The following HMCN1 variants were observed in gnomAD, a reference collection of about 807,000 sequenced individuals.
HMCN1 encodes hemicentin-1.
In HMCN1, 321 loss-of-function variants were observed where a neutral mutation model predicts 625.9. The observed-to-expected ratio is 0.51, with a 90% CI of 0.47 to 0.56. The LOEUF is 0.56. HMCN1 is among the 20% of genes least tolerant of loss of function. The pLI, the probability that HMCN1 is intolerant of heterozygous loss-of-function variation, is 0.00. For missense variants in HMCN1, 6,588 were observed against 6,887.3 expected (o/e 0.96, Z 1.54); for synonymous variants, 2,425 against 2,417.6 (o/e 1.00, Z -0.09).
In HMCN1 at chr1:185,923,649, C is replaced by G. The variant is rs1667110965; in HGVS notation, c.1281C>G (p.Val427=). ...RVSSVSFSSI[V]PDAPKVTMPE... ...CAAGTGTTTCCTTTTCTAGTATTGT[C>G]CCAGGTGAGACATCATTTTATTCAA... Residue 427 remains valine (V), a synonymous_variant, in exon 8 of 107, where the codon GTC becomes GTG. Coordinates refer to ENST00000271588, the MANE Select transcript of HMCN1 (RefSeq NM_031935.3). 5 of 1,599,434 alleles carry G rather than the reference C, an allele frequency of 3.1e-6. No individual in the cohort carries two copies. The East Asian group carries it at 1.1e-4, about 36-fold the overall frequency.
intron 69 of HMCN1, among the ~76,000 whole-genome samples, chr1:186,105,758 T>C (rs1660579802): frequency 6.6e-6 from 1 of 152,172 alleles, no homozygotes; most frequent in African/African-American, 2.4e-5. Flanking sequence ...TCAGGAAATA[T>C]TTTGTGGAAA....
chr1:186,183,289 C>A (rs983749352), intron 105 of HMCN1, among the ~76,000 whole-genome samples: 1 of 152,096 alleles, frequency 6.6e-6, no homozygotes, highest in African/African-American at 2.4e-5. Context: ...GAAAATGGGT[C>A]CCAGGAGGCA....
intron 1 of HMCN1, among the ~76,000 whole-genome samples, chr1:185,838,326 T>C (rs1661291466): frequency 6.6e-6 from 1 of 152,190 alleles, no homozygotes; most frequent in African/African-American, 2.4e-5. Context: ...TGCAAGTGCA[T>C]GTAAAGCTTG....
At chr1:186,119,115 C>A in intron 77 of HMCN1, 76 bp from the exon 78 acceptor site, 1 of 1,085,626 alleles carries the variant, frequency 9.2e-7, no homozygotes, top group Non-Finnish European at 1.4e-6. Flanking sequence ...AGAAAACACA[C>A]AAAAGAGAGT....
intron 4 of HMCN1, among the ~76,000 whole-genome samples, chr1:185,895,320 A>G (rs1320247167): frequency 6.6e-6 from 1 of 152,162 alleles, no homozygotes; most frequent in Non-Finnish European, 1.5e-5. Context: ...GGTTTTGAGT[A>G]TTAGATAATT....
intron 8 of HMCN1, among the ~76,000 whole-genome samples, 180 bp from the exon 9 acceptor site, chr1:185,924,867 C>A (rs112682599): frequency 0.029 from 4,339 of 151,848 alleles, 198 homozygotes; most frequent in African/African-American, 0.097. Flanking sequence ...AGAAATCAAC[C>A]AATTTTGAAC....
intron 1 of HMCN1, among the ~76,000 whole-genome samples, chr1:185,748,190 C>T (rs904480254): frequency 1.3e-5 from 2 of 151,902 alleles, no homozygotes; most frequent in African/African-American, 4.8e-5. Context: ...TTTTGTTTAG[C>T]TCCTTAGTTT....
rs569432948 is a variant in HMCN1 at position 185,988,047 on chromosome 1, C to G, written c.3048+503C>G. On this transcript the variant is annotated intron_variant, in intron 20 of 106. Transcript: ENST00000271588. ...CCCGGCACACAGGTTATGCTACGGA[C>G]GTGTTCACTGTAATGTTGCTAATAC... 5.9e-5 allele frequency among the ~76,000 whole-genome samples: 9 copies of G among 152,184 alleles called. No individual in the cohort carries two copies. The East Asian group carries it at 1.7e-3, about 29-fold the overall frequency.
At chr1:185,878,346 T>TCCCCCATTCAGTATGATGTTA (rs1664086152) in intron 4 of HMCN1, among the ~76,000 whole-genome samples, 1 of 152,184 alleles carries the variant, frequency 6.6e-6, no homozygotes, top group Non-Finnish European at 1.5e-5. Flanking sequence ...CTTTCAACTT[T>TCCCCCATTCAGTATGATGTTA]CCCCCATTCA....
At chr1:185,969,676 T>A (rs538257148) in intron 14 of HMCN1, among the ~76,000 whole-genome samples, 3 of 152,140 alleles carry the variant, frequency 2.0e-5, no homozygotes, top group Non-Finnish European at 4.4e-5. Context: ...TCCTGACATG[T>A]TTGATGTCAC....
At chr1:185,931,905 T>G (rs1375884993) in intron 10 of HMCN1, among the ~76,000 whole-genome samples, 1 of 152,224 alleles carries the variant, frequency 6.6e-6, no homozygotes, top group East Asian at 1.9e-4. Flanking sequence ...AATTGGCTTA[T>G]CTAAAGTCAC....
At chr1:185,896,181 C>T (rs1317658147) in intron 4 of HMCN1, among the ~76,000 whole-genome samples, 1 of 152,064 alleles carries the variant, frequency 6.6e-6, no homozygotes, top group Non-Finnish European at 1.5e-5. Flanking sequence ...TGTGATCTGC[C>T]TCCCTCGGCC....
chr1:185,823,797 A>C (rs1660343965), intron 1 of HMCN1, among the ~76,000 whole-genome samples: 1 of 152,212 alleles, frequency 6.6e-6, no homozygotes, highest in African/African-American at 2.4e-5. Flanking sequence ...CAGCATTTTG[A>C]ATTCAGAACT....
intron 36 of HMCN1, among the ~76,000 whole-genome samples, chr1:186,026,680 T>C (rs1299852190): frequency 1.3e-5 from 2 of 151,826 alleles, no homozygotes; most frequent in African/African-American, 4.8e-5. Flanking sequence ...GTCACCCAAG[T>C]TGGAGTGCAG....
chr1:185,819,172 G>A (rs1040994365), intron 1 of HMCN1, among the ~76,000 whole-genome samples: 1 of 151,384 alleles, frequency 6.6e-6, no homozygotes, highest in African/African-American at 2.4e-5. Flanking sequence ...AGAAGGCAGA[G>A]GTTGCAGTGA....
intron 15 of HMCN1, among the ~76,000 whole-genome samples, chr1:185,975,922 T>C (rs149574948): frequency 5.0e-4 from 76 of 152,244 alleles, no homozygotes; most frequent in African/African-American, 1.8e-3. Context: ...ACACACACTG[T>C]GTTATTACTG....
chr1:186,043,616 A>G lies in HMCN1; in HGVS notation c.6305-2072A>G, dbSNP rs1292466215. 5.3e-5 allele frequency among the ~76,000 whole-genome samples: 8 copies of G among 152,216 alleles called. No homozygotes were observed. The South Asian group carries it at 6.2e-4, about 12-fold the overall frequency. On this transcript the variant is annotated intron_variant, in intron 40 of 106. Transcript: ENST00000271588. ...TCATGCTCTTTTGTAGATTCTACAA[A>G]TAATCTAAGACAAACATTTTTATAC... is the stretch of plus-strand genomic sequence containing the variant.
intron 2 of HMCN1, among the ~76,000 whole-genome samples, chr1:185,861,816 G>A (rs1008195447): frequency 2.0e-5 from 3 of 152,128 alleles, no homozygotes; most frequent in Non-Finnish European, 2.9e-5. Context: ...AAGAGGGGAA[G>A]GCATATTATC....
intron 1 of HMCN1, among the ~76,000 whole-genome samples, chr1:185,803,204 G>GAAAAAAAAAAA (rs1557981375): frequency 4.2e-5 from 1 of 23,712 alleles, no homozygotes; most frequent in Non-Finnish European, 8.2e-5. Context: ...AAAAAAAAAA[G>GAAAAAAAAAAA]CAAAAAAAAA....
Sources: allele counts gnomAD v4.1 joint callset (sites outside exome capture counted in the v4.1 genomes callset), GRCh38; gene constraint gnomAD v4.1.1; transcripts MANE v1.5; gene names NCBI Gene and HGNC (gene_info 2026-07-23, HGNC 2026-07-21).